ASTN2: variants seen among roughly 807,000 people sequenced by gnomAD.
ASTN2 encodes astrotactin-2.
ASTN2 carries 54 observed loss-of-function variants against 139.8 expected under a neutral mutation model. The observed-to-expected ratio is 0.39, with a 90% CI of 0.31 to 0.48. ASTN2 has a LOEUF of 0.48. ASTN2 is among the 20% of genes least tolerant of loss of function. The pLI is 0.95. For synonymous variants in ASTN2, 756 were observed against 719.5 expected (o/e 1.05, Z -0.81); for missense variants, 1,565 against 1,725.1 (o/e 0.91, Z 1.64).
chr9:116,778,038 G>A (rs1226029824), intron 13 of ASTN2, among the ~76,000 whole-genome samples: 1 of 151,932 alleles, frequency 6.6e-6, no homozygotes, highest in Non-Finnish European at 1.5e-5. Context: ...GTAGAGACGG[G>A]GTTTCACCAT....
rs1477977939 is a variant in ASTN2, at chr9:116,487,394, G to C, written c.3462C>G (p.Val1154=). The C allele has an allele frequency of 6.2e-7, 1 of 1,614,024 alleles. No homozygotes were observed. Among genetic ancestry groups the C allele is most frequent in the Admixed American group, 1.7e-5 (1 of 60,010 alleles). The change falls in exon 20 of 23, where the codon GTC becomes GTG. Residue 1154 remains valine, a synonymous_variant. Coordinates refer to ENST00000313400, the MANE Select transcript of ASTN2 (RefSeq NM_001365068.1). ...CGTCGGGCTCCAGACACTTGAAGAT[G>C]ACTGAGTAGATACTGACTTCAGGGA... ...GEVPEVSIYS[V]IFKCLEPDGL... is the part of the protein sequence containing the mutation.
chr9:116,976,934 T>C (rs1836356861), intron 7 of ASTN2, 149 bp from the exon 8 acceptor site: 2 of 654,884 alleles, frequency 3.1e-6, no homozygotes, highest in East Asian at 5.5e-5. Flanking sequence ...CATCAACCAC[T>C]GTGGTTAACA....
At chr9:117,212,132 T>C (rs998745957) in intron 3 of ASTN2, among the ~76,000 whole-genome samples, 8 of 152,194 alleles carry the variant, frequency 5.3e-5, no homozygotes, top group African/African-American at 1.9e-4. Flanking sequence ...ACTGACTTTT[T>C]ACAAAGGTGC....
chr9:116,973,771 T>G (rs1378381194), intron 10 of ASTN2, among the ~76,000 whole-genome samples: 1 of 152,198 alleles, frequency 6.6e-6, no homozygotes, highest in Non-Finnish European at 1.5e-5. Flanking sequence ...AGTATGTGAA[T>G]GTGTGTGTGA....
intron 19 of ASTN2, among the ~76,000 whole-genome samples, chr9:116,607,361 G>A (rs1855260583): frequency 6.6e-6 from 1 of 151,972 alleles, no homozygotes; most frequent in South Asian, 2.1e-4. Context: ...GTCAGGAATT[G>A]GATAATGTGG....
In ASTN2 at chr9:116,502,149, G is replaced by A. The variant is rs565603491; in HGVS notation, c.3356-14649C>T. 3.4e-3 allele frequency among the ~76,000 whole-genome samples: 510 copies of A among 151,990 alleles called. 3 individuals are homozygous for A. Among genetic ancestry groups the A allele is most frequent in the African/African-American group, 0.012 (492 of 41,480 alleles). On this transcript the variant is annotated intron_variant, in intron 19 of 22. Coordinates refer to ENST00000313400, the MANE Select transcript of ASTN2 (RefSeq NM_001365068.1). ...GAGAGGTAGATTTCCAAATGTGTGT[G>A]TGTGTGTGTATGTGTATGCATGCAT...
intron 10 of ASTN2, among the ~76,000 whole-genome samples, chr9:116,903,938 C>T (rs1007113814): frequency 1.3e-5 from 2 of 152,174 alleles, no homozygotes; most frequent in African/African-American, 2.4e-5. Context: ...GGAACACACC[C>T]CTCCCTCAGC....
At chr9:117,228,306 C>G (rs528680911) in intron 2 of ASTN2, among the ~76,000 whole-genome samples, 26 of 152,240 alleles carry the variant, frequency 1.7e-4, no homozygotes, top group Admixed American at 1.6e-3. Context: ...TGCAAATCTG[C>G]CAGCTTTCCA....
intron 3 of ASTN2, among the ~76,000 whole-genome samples, chr9:117,147,140 G>A (rs1451508300): frequency 1.3e-5 from 2 of 152,122 alleles, no homozygotes; most frequent in East Asian, 1.9e-4. Context: ...TACCAGGCAA[G>A]CCTTAGCTTC....
intron 16 of ASTN2, among the ~76,000 whole-genome samples, chr9:116,675,778 A>G (rs1859464418): frequency 6.6e-6 from 1 of 152,154 alleles, no homozygotes. Flanking sequence ...AAAGCTCAAC[A>G]GGCCTGTCTC....
At chr9:117,089,426 TAAAAC>T (rs1488954993) in intron 5 of ASTN2, among the ~76,000 whole-genome samples, 1 of 152,232 alleles carries the variant, frequency 6.6e-6, no homozygotes, top group African/African-American at 2.4e-5. Flanking sequence ...TTGGCACACT[TAAAAC>T]AATGATATAC....
chr9:117,359,772 C>A (rs769573490), intron 1 of ASTN2, among the ~76,000 whole-genome samples: 9 of 152,106 alleles, frequency 5.9e-5, no homozygotes, highest in Non-Finnish European at 1.3e-4. Context: ...TCAGGGATTG[C>A]AGATTCAACT....
chr9:117,062,141 C>T (rs1587919644), intron 5 of ASTN2, among the ~76,000 whole-genome samples: 1 of 152,260 alleles, frequency 6.6e-6, no homozygotes. Flanking sequence ...ATTTGAGGGG[C>T]CAACTCCAGC....
intron 17 of ASTN2, among the ~76,000 whole-genome samples, chr9:116,621,921 C>T (rs573736449): frequency 6.6e-6 from 1 of 152,306 alleles, no homozygotes; most frequent in South Asian, 2.1e-4. Flanking sequence ...CTAACACTGA[C>T]ATTTCAACGC....
intron 11 of ASTN2, among the ~76,000 whole-genome samples, chr9:116,842,686 C>T (rs964146063): frequency 3.4e-5 from 5 of 148,020 alleles, no homozygotes; most frequent in African/African-American, 1.0e-4. Flanking sequence ...ATTCAGCTGC[C>T]GCTCAATTTG....
At chr9:116,843,461 C>A (rs1832327621) in intron 11 of ASTN2, among the ~76,000 whole-genome samples, 1 of 152,100 alleles carries the variant, frequency 6.6e-6, no homozygotes, top group Admixed American at 6.5e-5. Flanking sequence ...AGTTTGAGAT[C>A]AGCCTGGCCA....
chr9:117,003,556 T>TGTGTGTGTGTGTGTGTGTG (rs1412820236), intron 7 of ASTN2, among the ~76,000 whole-genome samples: 37 of 147,042 alleles, frequency 2.5e-4, no homozygotes, highest in South Asian at 6.8e-4. Flanking sequence ...TGTGTGTGTA[T>TGTGTGTGTGTGTGTGTGTG]TTAAATCTAG....
intron 10 of ASTN2, among the ~76,000 whole-genome samples, chr9:116,953,151 T>G (rs1320655421): frequency 6.6e-6 from 1 of 152,194 alleles, no homozygotes; most frequent in African/African-American, 2.4e-5. Flanking sequence ...TAACAGCATT[T>G]ATTAGCTGAG....
chr9:117,312,043 C>T (rs920158469), intron 1 of ASTN2, among the ~76,000 whole-genome samples: 1 of 152,156 alleles, frequency 6.6e-6, no homozygotes, highest in Non-Finnish European at 1.5e-5. Context: ...ACCATTCCCT[C>T]CCCATCTTGC....
Sources: gnomAD v4.1 joint callset for allele counts (sites outside exome capture counted in the v4.1 genomes callset) on GRCh38, gnomAD v4.1.1 for gene constraint, MANE v1.5 for transcripts, NCBI Gene and HGNC (gene_info 2026-07-23, HGNC 2026-07-21) for gene names.